ZFR2: variants seen among roughly 807,000 people sequenced by gnomAD.
The protein encoded by ZFR2 is zinc finger RNA-binding protein 2.
Under a neutral mutation model 105.7 loss-of-function variants are expected in ZFR2, and 104 were observed. The observed-to-expected ratio is 0.98, with a 90% confidence interval of 0.84 to 1.16. ZFR2 has a LOEUF of 1.16. Ranked by LOEUF, ZFR2 falls within the 50% of genes most tolerant of loss-of-function variation. The pLI, the probability that ZFR2 is intolerant of heterozygous loss-of-function variation, is 0.00. For missense variants in ZFR2, 1,425 were observed against 1,355.5 expected (o/e 1.05, Z -0.80); for synonymous variants, 634 against 597.7 (o/e 1.06, Z -0.89).
rs898556438 is a variant in ZFR2, at chr19:3,813,171, G to C, written c.2242+649C>G. On this transcript the variant is annotated intron_variant, in intron 14 of 18. Transcript: ENST00000262961. The surrounding 1 kb of genome is among the most constrained non-coding windows in gnomAD (Gnocchi z 4.4). ...GTTATGACCAAAAAAGATTACGAAG[G>C]GGGTAAAAGATGATAGGAGTTTGGA... Among the ~76,000 whole-genome samples the C allele has an allele frequency of 1.3e-5, 2 of 152,176 alleles. No homozygotes were observed. Among genetic ancestry groups the C allele is most frequent in the Non-Finnish European group, 2.9e-5 (2 of 68,028 alleles).
intron 8 of ZFR2, among the ~76,000 whole-genome samples, chr19:3,822,530 A>AC (rs758586902): frequency 1.2e-3 from 180 of 150,618 alleles, no homozygotes; most frequent in Middle Eastern, 3.4e-3. Flanking sequence ...ACATAGCGAG[A>AC]CCCCCATCTC....
At chr19:3,822,846 C>A (rs886169090) in intron 8 of ZFR2, among the ~76,000 whole-genome samples, 7 of 152,216 alleles carry the variant, frequency 4.6e-5, no homozygotes, top group Admixed American at 3.9e-4. Flanking sequence ...GAGCTCGGCT[C>A]CACTGCTCAC....
At chr19:3,851,512 C>T (rs2038237829) in intron 1 of ZFR2, among the ~76,000 whole-genome samples, 1 of 152,190 alleles carries the variant, frequency 6.6e-6, no homozygotes, top group African/African-American at 2.4e-5. Flanking sequence ...ACTAAGCATG[C>T]TTACACGAGG....
chr19:3,843,599 G>T (rs1163638067), intron 1 of ZFR2, among the ~76,000 whole-genome samples: 1 of 151,980 alleles, frequency 6.6e-6, no homozygotes, highest in African/African-American at 2.4e-5. Context: ...TTGGGAGGCC[G>T]AGGCAGGCAG....
chr19:3,851,105 T>C (rs2038233502), intron 1 of ZFR2, among the ~76,000 whole-genome samples: 1 of 151,364 alleles, frequency 6.6e-6, no homozygotes, highest in South Asian at 2.1e-4. Context: ...CAGTCTGTGG[T>C]ATTGTTAGGG....
intron 12 of ZFR2, among the ~76,000 whole-genome samples, chr19:3,817,280 C>T (rs796577234): frequency 3.9e-5 from 6 of 151,984 alleles, no homozygotes; most frequent in Non-Finnish European, 8.8e-5. Context: ...AAACCTAGGC[C>T]GGGCGCAGTG....
chr19:3,817,161 G>A (rs910331425), intron 12 of ZFR2, among the ~76,000 whole-genome samples: 4 of 152,258 alleles, frequency 2.6e-5, no homozygotes, highest in East Asian at 1.9e-4. Flanking sequence ...GGTGGCTCCC[G>A]CGTTCACGGA....
intron 1 of ZFR2, among the ~76,000 whole-genome samples, chr19:3,849,242 G>C (rs2038212455): frequency 6.6e-6 from 1 of 152,168 alleles, no homozygotes; most frequent in African/African-American, 2.4e-5. Flanking sequence ...AGGACCCCAA[G>C]GAAGGAGCAG....
At chr19:3,827,756 C>G in intron 5 of ZFR2, 103 bp from the exon 6 acceptor site, 2 of 1,318,318 alleles carry the variant, frequency 1.5e-6, no homozygotes. Flanking sequence ...TCGGTGGTAA[C>G]AGAGGCCCGC....
In ZFR2 at chr19:3,810,735, C is replaced by A; in HGVS notation, c.2433+15G>T. On this transcript the variant is annotated intron_variant, in intron 16 of 18. Transcript: ENST00000262961. ...GGGTCCCAGTGGAGGGCCGGGCCGCCAGGCACTGCCTTACCCAGGCTGGCA... is the reference window on the plus strand; with the variant it reads ...GGGTCCCAGTGGAGGGCCGGGCCGCAAGGCACTGCCTTACCCAGGCTGGCA... 6.5e-7 allele frequency: 1 copy of A among 1,546,136 alleles called. No individual in the cohort carries two copies. The highest frequency in any genetic ancestry group is 8.7e-7 in the Non-Finnish European group (1 of 1,144,446).
intron 5 of ZFR2, among the ~76,000 whole-genome samples, chr19:3,829,775 A>C (rs1318444418): frequency 1.3e-5 from 2 of 152,168 alleles, no homozygotes; most frequent in African/African-American, 4.8e-5. Context: ...CGGCCTCCCA[A>C]GGTGCTGGGA....
intron 13 of ZFR2, among the ~76,000 whole-genome samples, chr19:3,815,046 G>A (rs1185204196): frequency 1.3e-5 from 2 of 152,156 alleles, no homozygotes; most frequent in Non-Finnish European, 2.9e-5. Flanking sequence ...GGTGACAGAC[G>A]CTCAGGAAGA....
rs147399915 is a variant in ZFR2, at chr19:3,834,652, G to A, written c.264+121C>T. 569 of 1,113,026 alleles carry A rather than the reference G, an allele frequency of 5.1e-4. 1 individual carries two copies. The African/African-American group carries it at 6.1e-3, about 12-fold the overall frequency. 68.9% of individuals were successfully genotyped at this position (1,113,026 alleles called of 1,614,324 possible). A position where few individuals can be genotyped will look rare whatever the true frequency, so the allele number is the denominator to read the frequency against. ...TACGCAATGCCAGCAGAAGGGTCCC[G>A]AAGGAAGGATCACGGTTAAGAGGCC... On this transcript the variant is annotated intron_variant, in intron 2 of 18. Transcript: ENST00000262961. This position sits in a 1 kb window ranked among gnomAD's most constrained non-coding sequence, Gnocchi z 5.3.
intron 18 of ZFR2, 48 bp from the exon 19 acceptor site, chr19:3,806,173 C>T (rs561081812): frequency 2.9e-5 from 41 of 1,391,234 alleles, no homozygotes; most frequent in East Asian, 8.8e-5. Context: ...CTCTGCTCCC[C>T]GAGTGCTGGG....
intron 1 of ZFR2, among the ~76,000 whole-genome samples, chr19:3,863,809 G>C (rs945086152): frequency 6.6e-6 from 1 of 152,150 alleles, no homozygotes; most frequent in Non-Finnish European, 1.5e-5. Flanking sequence ...CACTGGCCTG[G>C]GCCCATTCCT....
chr19:3,825,401 T>C lies in ZFR2; in HGVS notation c.1042A>G (p.Lys348Glu). The C allele has an allele frequency of 6.3e-7, 1 of 1,578,138 alleles. No individual in the cohort carries two copies. Among genetic ancestry groups the C allele is most frequent in the Non-Finnish European group, 8.6e-7 (1 of 1,164,458 alleles). ...IRGSKHQKVF[K>E]LHAKLGKPIP... is the part of the protein sequence containing the mutation. ...GGCTTCCCCAGTTTGGCGTGCAGCT[T>C]GAAGACCTGCAACAGACAGAGCCGG... The change falls in exon 7 of 19, where the codon AAG becomes GAG. Residue 348 changes from lysine to glutamate, a missense_variant. By Grantham distance (56) the Lys-to-Glu change is moderately conservative. Coordinates refer to ENST00000262961, the MANE Select transcript of ZFR2 (RefSeq NM_015174.2).
rs1435662166 is a variant in ZFR2 at position 3,806,043 on chromosome 19, GC to G, written c.2725del (p.Ala909ProfsTer69). On this transcript the variant is annotated frameshift_variant, in exon 19 of 19. Coordinates refer to ENST00000262961, the MANE Select transcript of ZFR2 (RefSeq NM_015174.2). LOFTEE classifies it low-confidence loss of function (END_TRUNC). ...DLLPPRHRLG[A>X]RFRKRQRGPG... The stretch of plus-strand genomic sequence containing the variant: ...TCCCCGTTGCCTCTTCCGGAAGCGG[GC>G]CCCCAGCCGGTGTCTGGGCGGCAGG... The G allele has an allele frequency of 1.3e-6, 2 of 1,537,798 alleles. No homozygotes were observed. Among genetic ancestry groups the G allele is most frequent in the Admixed American group, 2.0e-5 (1 of 50,150 alleles).
chr19:3,837,124 C>G (rs572442620), intron 1 of ZFR2, among the ~76,000 whole-genome samples: 1 of 152,306 alleles, frequency 6.6e-6, no homozygotes, highest in African/African-American at 2.4e-5. Context: ...ACAGGAAAAC[C>G]TCATGAAAGT....
Position 3,831,304 on chromosome 19 carries a change from T to G in ZFR2, c.851A>C (p.Gln284Pro). ...DICKISCAGP[Q>P]TYREHLGGQK... Reference sequence around the variant, plus strand: ...GCCCATGGCAGGAGGGCGACTGACCTGGGGGCCAGCGCAGCTGATCTTGCA... The same window carrying G: ...GCCCATGGCAGGAGGGCGACTGACCGGGGGGCCAGCGCAGCTGATCTTGCA... The change falls in exon 5 of 19, where the codon CAG becomes CCG. Residue 284 changes from glutamine (Q) to proline (P), a missense_variant and splice_region_variant. Physicochemically the swap from Gln to Pro is moderately conservative, Grantham distance 76 (BLOSUM62 -1). Transcript: ENST00000262961. The G allele has an allele frequency of 6.5e-7, 1 of 1,529,810 alleles. No homozygotes were observed. The highest frequency in any genetic ancestry group is 2.4e-5 in the East Asian group (1 of 41,504). 94.8% of individuals were successfully genotyped at this position (1,529,810 alleles called of 1,614,324 possible).
Sources: gnomAD v4.1 joint callset for allele counts (sites outside exome capture counted in the v4.1 genomes callset) on GRCh38, gnomAD v4.1.1 for gene constraint, Gnocchi (gnomAD v3.1) non-coding constraint, MANE v1.5 for transcripts, NCBI Gene and HGNC (gene_info 2026-07-23, HGNC 2026-07-21) for gene names.